Variants in CDH20 observed in about 807,000 individuals in gnomAD.
CDH20 encodes the protein cadherin-20.
In CDH20, 29 loss-of-function variants were observed where a neutral mutation model predicts 74.2. That is an observed-to-expected ratio of 0.39 (90% confidence interval 0.29 to 0.53). The LOEUF is 0.53. Ranked by LOEUF, CDH20 falls within the 20% of genes least tolerant of loss-of-function variation. The pLI, the probability that CDH20 is intolerant of heterozygous loss-of-function variation, is 0.69. For missense variants in CDH20, 988 were observed against 1,048.3 expected (o/e 0.94, Z 0.79); for synonymous variants, 469 against 405.4 (o/e 1.16, Z -1.88).
chr18:61,387,069 A>G (rs545796868), intron 1 of CDH20, among the ~76,000 whole-genome samples: 1 of 152,352 alleles, frequency 6.6e-6, no homozygotes, highest in African/African-American at 2.4e-5. Context: ...ATAATTTGGT[A>G]CTATCTCAAT....
chr18:61,443,140 T>A (rs1272159595), intron 1 of CDH20, among the ~76,000 whole-genome samples: 1 of 151,898 alleles, frequency 6.6e-6, no homozygotes, highest in Non-Finnish European at 1.5e-5. Flanking sequence ...TCCTACTAGG[T>A]TTTTCCTCCC....
intron 1 of CDH20, among the ~76,000 whole-genome samples, chr18:61,423,735 A>C (rs746000873): frequency 3.9e-5 from 6 of 152,198 alleles, no homozygotes; most frequent in Non-Finnish European, 7.3e-5. Context: ...TTTTGAACTC[A>C]TTCTATAAAT....
intron 1 of CDH20, among the ~76,000 whole-genome samples, chr18:61,387,865 T>C (rs1911653757): frequency 6.6e-6 from 1 of 152,284 alleles, no homozygotes; most frequent in Non-Finnish European, 1.5e-5. Context: ...CCTGATTGTA[T>C]AGGGGCAATG....
chr18:61,354,637 G>T (rs540141918), intron 1 of CDH20, among the ~76,000 whole-genome samples: 6 of 151,522 alleles, frequency 4.0e-5, no homozygotes, highest in East Asian at 2.0e-4. Flanking sequence ...AAACCCCTAG[G>T]TTTTTTTTCA....
intron 1 of CDH20, among the ~76,000 whole-genome samples, chr18:61,363,817 C>T (rs148238608): frequency 3.9e-5 from 6 of 152,238 alleles, no homozygotes; most frequent in African/African-American, 1.4e-4. Context: ...TTGGTGGTAG[C>T]TTACAGAGGA....
chr18:61,519,348 A>G (rs1027146869), intron 6 of CDH20, among the ~76,000 whole-genome samples: 6 of 151,252 alleles, frequency 4.0e-5, no homozygotes, highest in Admixed American at 2.0e-4. Flanking sequence ...AAATGAAGGA[A>G]AAAATGTTAA....
chr18:61,519,948 C>CA (rs35503974), intron 6 of CDH20, among the ~76,000 whole-genome samples: 5 of 127,912 alleles, frequency 3.9e-5, no homozygotes, highest in African/African-American at 1.5e-4. Context: ...AAATGGAAAG[C>CA]AAAAAAAAAA....
At chr18:61,450,191 C>A (rs146244784) in intron 1 of CDH20, among the ~76,000 whole-genome samples, 1 of 151,902 alleles carries the variant, frequency 6.6e-6, no homozygotes, top group East Asian at 1.9e-4. Flanking sequence ...TTACCATTAT[C>A]CCCATCTCCC....
chr18:61,422,448 A>G (rs541530465), intron 1 of CDH20, among the ~76,000 whole-genome samples: 3 of 152,300 alleles, frequency 2.0e-5, no homozygotes, highest in South Asian at 4.1e-4. Flanking sequence ...AAATAAATAA[A>G]TAGCCACATT....
chr18:61,533,011 T>C (rs1420642296), intron 7 of CDH20, among the ~76,000 whole-genome samples: 1 of 152,232 alleles, frequency 6.6e-6, no homozygotes, highest in Non-Finnish European at 1.5e-5. Flanking sequence ...CTAGTTGCAG[T>C]GGCTTATGCC....
intron 1 of CDH20, among the ~76,000 whole-genome samples, chr18:61,371,819 C>T (rs1287934323): frequency 4.0e-5 from 6 of 150,454 alleles, no homozygotes; most frequent in African/African-American, 1.5e-4. Flanking sequence ...TAGGAAAATA[C>T]ATGCCGCACT....
intron 1 of CDH20, among the ~76,000 whole-genome samples, chr18:61,432,054 G>C (rs1426636327): frequency 6.6e-6 from 1 of 151,852 alleles, no homozygotes. Context: ...AGACCAGCCT[G>C]GCCAACATGG....
chr18:61,494,804 G>A (rs536912481), intron 2 of CDH20, among the ~76,000 whole-genome samples: 1 of 152,136 alleles, frequency 6.6e-6, no homozygotes, highest in Non-Finnish European at 1.5e-5. Context: ...GCTTGTGCAC[G>A]AATCTGTGGG....
At position 61,539,290 on chromosome 18, in the gene CDH20, T is replaced by C. The variant is rs542384273; in HGVS notation, c.1530+145T>C. ...GAGTCCCTAATTCCCGTATATCAGGTTTCAACCATTTATTTGTTAAGACAA... is the reference window on the plus strand; with the variant it reads ...GAGTCCCTAATTCCCGTATATCAGGCTTCAACCATTTATTTGTTAAGACAA... On this transcript the variant is annotated intron_variant, in intron 9 of 11. Coordinates refer to ENST00000262717, the MANE Select transcript of CDH20 (RefSeq NM_031891.4). 3.7e-6 allele frequency: 3 copies of C among 814,358 alleles called. No individual in the cohort carries two copies. The South Asian group carries it at 5.1e-5, about 14-fold the overall frequency. The allele number at this position is 814,358 out of a possible 1,614,324, so 50.4% of individuals were successfully genotyped here. A position where few individuals can be genotyped will look rare whatever the true frequency, so the allele number is the denominator to read the frequency against.
intron 1 of CDH20, among the ~76,000 whole-genome samples, chr18:61,359,480 C>G (rs776237397): frequency 6.6e-6 from 1 of 152,018 alleles, no homozygotes; most frequent in African/African-American, 2.4e-5. Context: ...AAATGAGAAC[C>G]TTTTCATGAC....
In CDH20 at chr18:61,426,332, A is replaced by G. The variant is rs146876963; in HGVS notation, c.-152-64070A>G. 6.1e-3 allele frequency among the ~76,000 whole-genome samples: 928 copies of G among 152,294 alleles called. 9 individuals carry two copies. The highest frequency in any genetic ancestry group is 0.021 in the African/African-American group (891 of 41,568). ...ACTCTCCCTCAATCATTTTATAAGA[A>G]ATATAATACGGTGTACAAGAGGGCA... is the stretch of plus-strand genomic sequence containing the variant. On this transcript the variant is annotated intron_variant, in intron 1 of 11. Coordinates refer to ENST00000262717, the MANE Select transcript of CDH20 (RefSeq NM_031891.4).
At chr18:61,516,214 A>G (rs1399227484) in intron 6 of CDH20, among the ~76,000 whole-genome samples, 5 of 152,238 alleles carry the variant, frequency 3.3e-5, no homozygotes, top group African/African-American at 1.2e-4. Flanking sequence ...TGCATATACT[A>G]TCACTCAACC....
intron 1 of CDH20, among the ~76,000 whole-genome samples, chr18:61,344,292 T>G (rs757030144): frequency 8.5e-5 from 13 of 152,268 alleles, no homozygotes; most frequent in Non-Finnish European, 1.5e-4. Flanking sequence ...GATAATGCCA[T>G]GAGGTACAAA....
At chr18:61,433,580 T>A (rs1908727741) in intron 1 of CDH20, among the ~76,000 whole-genome samples, 1 of 152,292 alleles carries the variant, frequency 6.6e-6, no homozygotes, top group South Asian at 2.1e-4. Flanking sequence ...TTGGATACCC[T>A]TGCTTTCATA....
Sources: allele counts gnomAD v4.1 joint callset (sites outside exome capture counted in the v4.1 genomes callset), GRCh38; gene constraint gnomAD v4.1.1; transcripts MANE v1.5; gene names NCBI Gene and HGNC (gene_info 2026-07-23, HGNC 2026-07-21).